Variants in PDGFA observed in about 807,000 individuals in gnomAD.
The protein encoded by PDGFA is platelet derived growth factor subunit A.
Under a neutral mutation model 25.6 loss-of-function variants are expected in PDGFA, and 9 were observed. The observed-to-expected ratio is 0.35, with a 90% CI of 0.21 to 0.61. PDGFA has a LOEUF of 0.61. Among genes scored for constraint, PDGFA ranks in the 20% least tolerant of loss-of-function variants. The pLI is 0.75. For synonymous variants in PDGFA, 133 were observed against 111.8 expected (o/e 1.19, Z -1.20); for missense variants, 242 against 272.8 (o/e 0.89, Z 0.79).
chr7:516,049 C>CCCTG (rs1554276001), intron 2 of PDGFA, among the ~76,000 whole-genome samples: 5 of 86,016 alleles, frequency 5.8e-5, no homozygotes, highest in African/African-American at 2.5e-4. Context: ...AGCCCCCCCC[C>CCCTG]CCCACTTTTC....
intron 4 of PDGFA, 80 bp downstream of exon 4, chr7:510,729 G>A: frequency 2.5e-6 from 1 of 402,494 alleles, no homozygotes; most frequent in Non-Finnish European, 4.4e-6. Context: ...GAGGGGAGAG[G>A]AGGGGAGGGG....
At chr7:499,362 C>T (rs947566133) in intron 5 of PDGFA, among the ~76,000 whole-genome samples, 7 of 152,388 alleles carry the variant, frequency 4.6e-5, no homozygotes, top group African/African-American at 1.4e-4. Context: ...CCAAGTCCCA[C>T]ATTGCAAACA....
In PDGFA at chr7:517,089, G is replaced by A. The variant is rs1783139845; in HGVS notation, c.160+305C>T. The stretch of plus-strand genomic sequence containing the variant: ...CCGGATCCTGCCGCTCCCCCGGCCC[G>A]AGGGCAGGCGCGGGGCCCGCACACC... On this transcript the variant is annotated intron_variant, in intron 2 of 5. Transcript: ENST00000402802. This position sits in a 1 kb window ranked among gnomAD's most constrained non-coding sequence, Gnocchi z 7.4. 6.6e-6 allele frequency among the ~76,000 whole-genome samples: 1 copy of A among 151,496 alleles called. No homozygotes were observed. Among genetic ancestry groups the A allele is most frequent in the Non-Finnish European group, 1.5e-5 (1 of 67,836 alleles).
chr7:512,121 C>A (rs1305009616), intron 3 of PDGFA, among the ~76,000 whole-genome samples: 1 of 152,134 alleles, frequency 6.6e-6, no homozygotes. Flanking sequence ...GAGGAGCAGG[C>A]GGGCTGGGGC....
At chr7:515,828 C>A (rs1300135496) in intron 2 of PDGFA, among the ~76,000 whole-genome samples, 1 of 152,132 alleles carries the variant, frequency 6.6e-6, no homozygotes, top group Non-Finnish European at 1.5e-5. Flanking sequence ...TCAGCATACC[C>A]CACGAAGCTG....
chr7:499,729 C>CCCCCA (rs1398615853), intron 5 of PDGFA, among the ~76,000 whole-genome samples: 1 of 90,836 alleles, frequency 1.1e-5, no homozygotes, highest in Non-Finnish European at 2.5e-5. Flanking sequence ...TTCCCCCCCC[C>CCCCCA]CCCCGCTCAC....
exon 4 of PDGFA, chr7:510,856 T>G: frequency 6.2e-7 from 1 of 1,609,978 alleles, no homozygotes; most frequent in South Asian, 1.1e-5. Context: ...TTGACACTGC[T>G]CGTGTTGCAG....
chr7:513,725 C>A (rs540888036), intron 2 of PDGFA, among the ~76,000 whole-genome samples: 1 of 152,190 alleles, frequency 6.6e-6, no homozygotes, highest in African/African-American at 2.4e-5. Flanking sequence ...TCGAGGCATC[C>A]GTGACTATCC....
intron 1 of PDGFA, chr7:518,562 G>C (rs904348230): frequency 1.6e-4 from 33 of 205,384 alleles, no homozygotes; most frequent in Non-Finnish European, 2.5e-4. Context: ...CTATTTATCC[G>C]CCGCCCTTCT....
intron 3 of PDGFA, among the ~76,000 whole-genome samples, chr7:511,286 T>TG: frequency 3.7e-5 from 1 of 26,910 alleles, no homozygotes; most frequent in East Asian, 1.2e-3. Context: ...GGCCAGTGGC[T>TG]GGGGGTGGGG....
At chr7:502,033 T>G (rs1340091995) in intron 4 of PDGFA, among the ~76,000 whole-genome samples, 3 of 152,160 alleles carry the variant, frequency 2.0e-5, no homozygotes, top group Non-Finnish European at 4.4e-5. Context: ...AAGACCAGCC[T>G]GGGCAACATA....
exon 4 of PDGFA, chr7:510,887 C>T (rs778453958): frequency 6.2e-7 from 1 of 1,612,364 alleles, no homozygotes; most frequent in South Asian, 1.1e-5. Flanking sequence ...AGCGTTTCAC[C>T]TCCACGCACG....
chr7:520,304 C>T (rs1401949557), upstream of PDGFA: 5 of 188,578 alleles, frequency 2.7e-5, no homozygotes, highest in Admixed American at 6.5e-5. Flanking sequence ...CCGCTCTCCA[C>T]GGTTCGGATC....
At chr7:516,201 C>G (rs939535844) in intron 2 of PDGFA, among the ~76,000 whole-genome samples, 48 of 149,802 alleles carry the variant, frequency 3.2e-4, no homozygotes, top group Admixed American at 3.0e-3. Context: ...GAAACTCTAC[C>G]GCACCCCCCA....
chr7:509,091 C>T (rs1782690291), intron 4 of PDGFA, among the ~76,000 whole-genome samples: 1 of 152,108 alleles, frequency 6.6e-6, no homozygotes, highest in South Asian at 2.1e-4. Flanking sequence ...AGGGGCCCAG[C>T]CATGAGCCCC....
chr7:508,454 G>C (rs1348054810), intron 4 of PDGFA, among the ~76,000 whole-genome samples: 2 of 149,438 alleles, frequency 1.3e-5, no homozygotes, highest in Non-Finnish European at 3.0e-5. Flanking sequence ...GTAGCATTCA[G>C]GAGGCTTAGG....
At chr7:518,282 C>G (rs1188243679) in intron 1 of PDGFA, 1 of 148,698 alleles carries the variant, frequency 6.7e-6, no homozygotes, top group East Asian at 2.1e-4. Flanking sequence ...TAAGTTCCCA[C>G]GACGGGGGCT....
Position 511,078 on chromosome 7 carries a change from G to T in PDGFA, c.266-82C>A. On this transcript the variant is annotated intron_variant, in intron 3 of 5. Coordinates refer to ENST00000402802, the Ensembl canonical transcript of PDGFA. Reference sequence around the variant, plus strand: ...CCAGGGCTGAGGCGGCTCCAGCTGGGCCTGGGGGGCAACCAGGGTAAGCCA... The same window carrying T: ...CCAGGGCTGAGGCGGCTCCAGCTGGTCCTGGGGGGCAACCAGGGTAAGCCA... 6 of 1,107,814 alleles carry T rather than the reference G, an allele frequency of 5.4e-6. No individual in the cohort carries two copies. The East Asian group carries it at 1.3e-4, about 23-fold the overall frequency. 68.6% of individuals were successfully genotyped at this position (1,107,814 alleles called of 1,614,324 possible).
intron 3 of PDGFA, 28 bp downstream of exon 3, chr7:512,323 C>G: frequency 6.3e-7 from 1 of 1,597,032 alleles, no homozygotes. Context: ...CCGGCCCTGC[C>G]CTGCCCATCG....
Sources: allele counts gnomAD v4.1 joint callset (sites outside exome capture counted in the v4.1 genomes callset), GRCh38; gene constraint gnomAD v4.1.1; non-coding constraint Gnocchi (gnomAD v3.1); transcripts MANE v1.5; gene names NCBI Gene and HGNC (gene_info 2026-07-23, HGNC 2026-07-21).